Variants in KIF20B observed in about 807,000 individuals in gnomAD.
KIF20B encodes the protein kinesin family member 20B, also known as kinesin-like protein KIF20B.
A neutral mutation model predicts 232.5 loss-of-function variants in KIF20B; 188 were observed. The ratio of observed to expected loss-of-function variants is 0.81; its 90% CI spans 0.72 to 0.91. The LOEUF (loss-of-function observed/expected upper bound fraction) is 0.91, where lower values mean the gene tolerates loss of function less well. Among genes scored for constraint, KIF20B ranks in the 40% least tolerant of loss-of-function variants. The pLI is 0.00. For synonymous variants in KIF20B, 712 were observed against 683.0 expected (o/e 1.04, Z -0.66); for missense variants, 2,154 against 2,055.9 (o/e 1.05, Z -0.92).
chr10:89,702,206 G>A (rs986643613), intron 1 of KIF20B, among the ~76,000 whole-genome samples: 1 of 152,074 alleles, frequency 6.6e-6, no homozygotes, highest in Non-Finnish European at 1.5e-5. Context: ...GCCTTTTTGC[G>A]GGGGGAGCCC....
At chr10:89,720,634 CTTG>C (rs2133100569) in intron 13 of KIF20B, among the ~76,000 whole-genome samples, 1 of 152,134 alleles carries the variant, frequency 6.6e-6, no homozygotes, top group African/African-American at 2.4e-5. Flanking sequence ...TGTTTGTCGT[CTTG>C]TTATTATGAT....
chr10:89,767,970 G>A (rs1842396996), intron 29 of KIF20B, among the ~76,000 whole-genome samples: 1 of 151,870 alleles, frequency 6.6e-6, no homozygotes, highest in African/African-American at 2.4e-5. Flanking sequence ...CTTCAGTCAG[G>A]GTTTCTCAAC....
intron 29 of KIF20B, among the ~76,000 whole-genome samples, chr10:89,764,924 G>T (rs570624494): frequency 0.028 from 4,213 of 151,472 alleles, 62 homozygotes; most frequent in African/African-American, 0.037. Context: ...GTCAATTTTG[G>T]CTTTTGTTGC....
In KIF20B at chr10:89,709,398, C is replaced by T. The variant is rs1478658335; in HGVS notation, c.288C>T (p.Cys96=). 14 of 1,613,610 alleles carry T rather than the reference C, an allele frequency of 8.7e-6. No individual in the cohort carries two copies. The East Asian group carries it at 2.9e-4, about 33-fold the overall frequency. ...SQTVVLKEPQ[C]ILGRLSEKSS... is the part of the protein sequence containing the mutation. ...CTGTTGTGCTGAAAGAGCCTCAATG[C>T]ATCCTTGGTCGGTTAAGTGAAAAAA... is the stretch of plus-strand genomic sequence containing the variant. Residue 96 remains cysteine (C), a synonymous_variant, in exon 4 of 33, where the codon TGC becomes TGT. Coordinates refer to ENST00000371728, the MANE Select transcript of KIF20B (RefSeq NM_001284259.2).
chr10:89,756,976 A>C (rs1362381515), intron 26 of KIF20B, among the ~76,000 whole-genome samples: 1 of 147,256 alleles, frequency 6.8e-6, no homozygotes, highest in African/African-American at 2.5e-5. Context: ...TTTTCCTATA[A>C]ACATTTTTAT....
chr10:89,764,664 T>A (rs1439944926), intron 29 of KIF20B, among the ~76,000 whole-genome samples: 3 of 152,010 alleles, frequency 2.0e-5, no homozygotes, highest in Non-Finnish European at 4.4e-5. Flanking sequence ...GAGCATTTTT[T>A]CATGTGTTTT....
rs1841699467 is a variant in KIF20B, at chr10:89,738,030, A to G, written c.3189A>G (p.Glu1063=). 2 of 1,613,436 alleles carry G rather than the reference A, an allele frequency of 1.2e-6. No homozygotes were observed. Among genetic ancestry groups the G allele is most frequent in the African/African-American group, 2.7e-5 (2 of 74,904 alleles). Residue 1063 remains glutamate (E), a synonymous_variant, in exon 20 of 33, where the codon GAA becomes GAG. Transcript: ENST00000371728. ...CTAGTATTGAAGCTATTTGGGAAGA[A>G]TGTAAAGAGATTGTGAAGGCCTCTT... ...FHSSIEAIWE[E]CKEIVKASSK...
intron 21 of KIF20B, among the ~76,000 whole-genome samples, chr10:89,741,252 G>A (rs1174171770): frequency 6.6e-6 from 1 of 152,168 alleles, no homozygotes; most frequent in Non-Finnish European, 1.5e-5. Flanking sequence ...TAATGCCTCT[G>A]TTGATCTGAC....
rs1214871328 is a variant in KIF20B at position 89,729,260 on chromosome 10, C to A, written c.2391+13C>A. 6.8e-7 allele frequency: 1 copy of A among 1,463,184 alleles called. No individual in the cohort carries two copies. 90.6% of individuals were successfully genotyped at this position (1,463,184 alleles called of 1,614,324 possible). ...ATTTAAATGCAATGTAAGAATTTAACCTTGTGTTATATTAATAAATTAGAT... is the reference window on the plus strand; with the variant it reads ...ATTTAAATGCAATGTAAGAATTTAAACTTGTGTTATATTAATAAATTAGAT... On this transcript the variant is annotated intron_variant, in intron 18 of 32. Coordinates refer to ENST00000371728, the MANE Select transcript of KIF20B (RefSeq NM_001284259.2).
At chr10:89,742,458 T>C (rs1395920273) in intron 21 of KIF20B, among the ~76,000 whole-genome samples, 1 of 152,188 alleles carries the variant, frequency 6.6e-6, no homozygotes, top group Non-Finnish European at 1.5e-5. Flanking sequence ...AGAGCCAGAA[T>C]GGAAACCGAG....
intron 29 of KIF20B, among the ~76,000 whole-genome samples, chr10:89,764,904 G>C (rs1374514788): frequency 1.3e-5 from 2 of 151,766 alleles, no homozygotes; most frequent in Non-Finnish European, 2.9e-5. Context: ...AGTTTAATTA[G>C]ATCCCATTTG....
intron 13 of KIF20B, 39 bp from the exon 14 acceptor site, chr10:89,723,921 ATATT>A (rs1164294919): frequency 4.5e-6 from 6 of 1,340,900 alleles, no homozygotes; most frequent in Non-Finnish European, 5.9e-6. Context: ...CTCTTGGGAT[ATATT>A]TATTCTTTTA....
intron 15 of KIF20B, among the ~76,000 whole-genome samples, chr10:89,725,614 T>C (rs1457446666): frequency 6.6e-6 from 1 of 152,140 alleles, no homozygotes; most frequent in Non-Finnish European, 1.5e-5. Flanking sequence ...ATTTATTTAT[T>C]ATAGTTTTAG....
At chr10:89,723,691 T>C (rs1264653122) in intron 13 of KIF20B, 1 of 198,488 alleles carries the variant, frequency 5.0e-6, no homozygotes, top group East Asian at 1.3e-4. Context: ...AGATAATAAA[T>C]GCACTAATTA....
At chr10:89,754,312 TTATAAA>T (rs1447673734) in intron 25 of KIF20B, among the ~76,000 whole-genome samples, 200 bp from the exon 26 acceptor site, 1 of 152,074 alleles carries the variant, frequency 6.6e-6, no homozygotes, top group Non-Finnish European at 1.5e-5. Flanking sequence ...CAAAATTAAC[TTATAAA>T]TGAAATGCGT....
At chr10:89,744,374 G>A (rs1355978244) in intron 22 of KIF20B, among the ~76,000 whole-genome samples, 1 of 152,152 alleles carries the variant, frequency 6.6e-6, no homozygotes, top group African/African-American at 2.4e-5. Flanking sequence ...TGCTTCACCA[G>A]TATGAAGTAT....
intron 13 of KIF20B, among the ~76,000 whole-genome samples, chr10:89,722,883 A>G (rs1843097624): frequency 1.3e-5 from 2 of 152,182 alleles, no homozygotes; most frequent in South Asian, 2.1e-4. Context: ...TTTTTATTAT[A>G]TATTACTGTT....
Position 89,738,057 on chromosome 10 carries a change from CAA to C in KIF20B, c.3222_3223del (p.His1076SerfsTer3). On this transcript the variant is annotated frameshift_variant, in exon 20 of 33. Transcript: ENST00000371728. LOFTEE classifies it high-confidence loss of function. ...GTAAAGAGATTGTGAAGGCCTCTTC[CAA>C]AAAAAGTCATCAGATTGAGGAACTG... ...ECKEIVKASS[K>X]KSHQIEELEQ... is the part of the protein sequence containing the mutation. 1 of 1,612,782 alleles carries C rather than the reference CAA, an allele frequency of 6.2e-7. No individual in the cohort carries two copies. The highest frequency in any genetic ancestry group is 8.5e-7 in the Non-Finnish European group (1 of 1,179,510).
intron 29 of KIF20B, among the ~76,000 whole-genome samples, chr10:89,766,656 A>G (rs1842367179): frequency 6.6e-6 from 1 of 152,060 alleles, no homozygotes; most frequent in African/African-American, 2.4e-5. Context: ...TTTTTCTTCA[A>G]CTTTCTTTTA....
Sources: allele counts gnomAD v4.1 joint callset (sites outside exome capture counted in the v4.1 genomes callset), GRCh38; gene constraint gnomAD v4.1.1; transcripts MANE v1.5; gene names NCBI Gene and HGNC (gene_info 2026-07-23, HGNC 2026-07-21).